FHIT: variants seen among roughly 807,000 people sequenced by gnomAD.
FHIT encodes the protein bis(5'-adenosyl)-triphosphatase.
FHIT carries 19 observed loss-of-function variants against 17.9 expected under a neutral mutation model. The observed-to-expected ratio is 1.06, with a 90% CI of 0.74 to 1.56. FHIT has a LOEUF of 1.56. Among genes scored for constraint, FHIT ranks in the 40% most tolerant of loss-of-function variants. The pLI is 0.00. For synonymous variants in FHIT, 81 were observed against 69.7 expected, an observed-to-expected ratio of 1.16 and a Z score of -0.81; for missense variants, 248 against 189.2, an observed-to-expected ratio of 1.31 and a Z score of -1.82.
chr3:60,308,366 G>A (rs1369060106), intron 5 of FHIT, among the ~76,000 whole-genome samples: 1 of 151,964 alleles, frequency 6.6e-6, no homozygotes, highest in East Asian at 1.9e-4. Context: ...TGTTTACAGG[G>A]TTAACTGACA....
At chr3:60,115,996 C>T (rs75373300) in intron 5 of FHIT, among the ~76,000 whole-genome samples, 4,662 of 152,216 alleles carry the variant, frequency 0.031, 252 homozygotes, top group African/African-American at 0.11. Context: ...CTTTATTTCT[C>T]TCCATTTTTC....
chr3:61,143,375 G>A (rs1384659177), intron 2 of FHIT, among the ~76,000 whole-genome samples: 1 of 152,076 alleles, frequency 6.6e-6, no homozygotes, highest in Non-Finnish European at 1.5e-5. Context: ...ATAATATTTA[G>A]AGTGCATGCA....
chr3:60,032,543 A>T (rs530861369), intron 5 of FHIT, among the ~76,000 whole-genome samples: 1 of 152,224 alleles, frequency 6.6e-6, no homozygotes, highest in South Asian at 2.1e-4. Flanking sequence ...TGAACCAAAA[A>T]GGTTAAGAAC....
At chr3:60,952,563 C>G (rs192579852) in intron 3 of FHIT, among the ~76,000 whole-genome samples, 1 of 152,166 alleles carries the variant, frequency 6.6e-6, no homozygotes, top group African/African-American at 2.4e-5. Context: ...TATGCCAGCC[C>G]GAAATATGCC....
At chr3:60,053,616 A>G (rs562035106) in intron 5 of FHIT, among the ~76,000 whole-genome samples, 1 of 152,178 alleles carries the variant, frequency 6.6e-6, no homozygotes, top group Non-Finnish European at 1.5e-5. Flanking sequence ...TTATAAAAAA[A>G]TCTCTTAAGA....
chr3:60,258,344 G>A (rs1395711841), intron 5 of FHIT, among the ~76,000 whole-genome samples: 1 of 151,982 alleles, frequency 6.6e-6, no homozygotes, highest in African/African-American at 2.4e-5. Context: ...TCGTTCCTCA[G>A]GATTCCCTTG....
intron 5 of FHIT, among the ~76,000 whole-genome samples, chr3:60,168,544 G>C (rs549691837): frequency 6.6e-6 from 1 of 152,166 alleles, no homozygotes; most frequent in Non-Finnish European, 1.5e-5. Flanking sequence ...CCTGCCAGAG[G>C]CTCTGCCAGC....
At chr3:60,040,834 G>C (rs1273915895) in intron 5 of FHIT, among the ~76,000 whole-genome samples, 3 of 152,094 alleles carry the variant, frequency 2.0e-5, no homozygotes, top group Non-Finnish European at 4.4e-5. Context: ...GTTTCTTTGA[G>C]AGATTCAAGA....
chr3:60,389,092 G>C (rs973576976), intron 5 of FHIT, among the ~76,000 whole-genome samples: 105 of 152,274 alleles, frequency 6.9e-4, no homozygotes, highest in African/African-American at 2.4e-3. Flanking sequence ...ACTCAATTTA[G>C]CAATGCATTT....
intron 5 of FHIT, among the ~76,000 whole-genome samples, chr3:60,203,655 T>G (rs1312002689): frequency 2.6e-5 from 4 of 152,176 alleles, no homozygotes; most frequent in Admixed American, 6.5e-5. Flanking sequence ...GAACTGATCT[T>G]TAAGAACACA....
chr3:61,106,218 T>C (rs114946083), intron 2 of FHIT, among the ~76,000 whole-genome samples: 2,340 of 152,312 alleles, frequency 0.015, 29 homozygotes, highest in Middle Eastern at 0.027. Context: ...ATTTTGTTTG[T>C]TTGTTTTAAT....
At chr3:61,022,061 G>C (rs1454215060) in intron 3 of FHIT, among the ~76,000 whole-genome samples, 1 of 152,050 alleles carries the variant, frequency 6.6e-6, no homozygotes, top group South Asian at 2.1e-4. Context: ...CCAGTAGCTG[G>C]GTTTTTGAAA....
intron 7 of FHIT, among the ~76,000 whole-genome samples, chr3:59,964,048 C>T (rs1056457217): frequency 3.3e-5 from 5 of 152,094 alleles, no homozygotes; most frequent in African/African-American, 7.2e-5. Context: ...ATTTTCAATT[C>T]GTTCAATGCC....
Position 60,205,019 on chromosome 3 carries a change from C to T in FHIT, c.104-190867G>A, listed in dbSNP as rs556854112. On this transcript the variant is annotated intron_variant, in intron 5 of 9. Coordinates refer to ENST00000492590, the MANE Select transcript of FHIT (RefSeq NM_002012.4). Reference sequence around the variant, plus strand: ...GCTGAGGTGGGAAGATAGCTTGAGCCTGGGAGGCAGAGGTTACAGCGAGCC... The same window carrying T: ...GCTGAGGTGGGAAGATAGCTTGAGCTTGGGAGGCAGAGGTTACAGCGAGCC... Among the ~76,000 whole-genome samples, 3 of 151,582 alleles carry T rather than the reference C, an allele frequency of 2.0e-5. No homozygotes were observed. The South Asian group carries it at 6.3e-4, about 32-fold the overall frequency.
At chr3:60,076,997 A>C (rs1703037112) in intron 5 of FHIT, among the ~76,000 whole-genome samples, 1 of 152,094 alleles carries the variant, frequency 6.6e-6, no homozygotes, top group Admixed American at 6.6e-5. Context: ...GACTGTATTT[A>C]TGTGCTAATA....
chr3:60,163,688 T>C (rs1409986439), intron 5 of FHIT, among the ~76,000 whole-genome samples: 1 of 152,090 alleles, frequency 6.6e-6, no homozygotes, highest in Non-Finnish European at 1.5e-5. Flanking sequence ...CTGTTCACAT[T>C]TGGGGCCGGG....
At chr3:60,854,486 G>T (rs1438296904) in intron 3 of FHIT, among the ~76,000 whole-genome samples, 1 of 151,370 alleles carries the variant, frequency 6.6e-6, no homozygotes, top group Non-Finnish European at 1.5e-5. Flanking sequence ...CATGCAACAA[G>T]ATGTCTGAAG....
intron 3 of FHIT, among the ~76,000 whole-genome samples, chr3:60,982,064 C>T (rs910879544): frequency 1.3e-5 from 2 of 152,250 alleles, no homozygotes; most frequent in Non-Finnish European, 2.9e-5. Context: ...CCTGCTTCCA[C>T]TCTTGCCCTT....
intron 5 of FHIT, among the ~76,000 whole-genome samples, chr3:60,197,337 T>G (rs1702695200): frequency 6.6e-6 from 1 of 152,216 alleles, no homozygotes; most frequent in African/African-American, 2.4e-5. Context: ...AATTTCTTAT[T>G]GATTTGCATG....
Sources: gnomAD v4.1 joint callset for allele counts (sites outside exome capture counted in the v4.1 genomes callset) on GRCh38, gnomAD v4.1.1 for gene constraint, MANE v1.5 for transcripts, NCBI Gene and HGNC (gene_info 2026-07-23, HGNC 2026-07-21) for gene names.